The following MAOB variants were observed in gnomAD, a reference collection of about 807,000 sequenced individuals.
The protein encoded by MAOB is monoamine oxidase B.
A neutral mutation model predicts 41.9 loss-of-function variants in MAOB; 15 were observed. The ratio of observed to expected loss-of-function variants is 0.36; its 90% CI spans 0.24 to 0.55. MAOB has a LOEUF of 0.55. Among genes scored for constraint, MAOB ranks in the 20% least tolerant of loss-of-function variants. The pLI, the probability that MAOB is intolerant of heterozygous loss-of-function variation, is 0.86. For missense variants in MAOB, 345 were observed against 398.7 expected (o/e 0.87, Z 1.15); for synonymous variants, 167 against 144.2 (o/e 1.16, Z -1.13).
chrX:43,773,832 C>G (rs906158266), intron 12 of MAOB, among the ~76,000 whole-genome samples: 1 of 112,038 alleles, frequency 8.9e-6, no homozygotes, highest in Non-Finnish European at 1.9e-5. Context: ...GCCTCCCCAG[C>G]CATGTAGAAC....
intron 1 of MAOB, chrX:43,844,625 C>A (rs943609902): frequency 1.8e-5 from 2 of 112,385 alleles, no homozygotes; most frequent in Admixed American, 9.4e-5. Flanking sequence ...TGGGCACCAT[C>A]CAATCCAATC....
At chrX:43,823,997 T>A (rs2034914296) in intron 3 of MAOB, among the ~76,000 whole-genome samples, 1 of 112,320 alleles carries the variant, frequency 8.9e-6, no homozygotes, top group African/African-American at 3.2e-5. Context: ...TGACCTAAAG[T>A]GGGTTTCAGC....
chrX:43,813,968 G>T (rs942169383), intron 3 of MAOB, among the ~76,000 whole-genome samples: 1 of 110,544 alleles, frequency 9.0e-6, no homozygotes, highest in Non-Finnish European at 1.9e-5. Flanking sequence ...TTTGAGGTTG[G>T]TTGCAATTTT....
intron 1 of MAOB, among the ~76,000 whole-genome samples, chrX:43,874,699 C>A (rs1318163829): frequency 2.7e-5 from 3 of 111,045 alleles, no homozygotes; most frequent in Non-Finnish European, 5.7e-5. Context: ...TAACTGAAGT[C>A]TCTGGCCCTA....
At chrX:43,782,023 A>C (rs2034339612) in intron 8 of MAOB, among the ~76,000 whole-genome samples, 1 of 112,055 alleles carries the variant, frequency 8.9e-6, no homozygotes, top group Non-Finnish European at 1.9e-5. Context: ...CTAAATGCCC[A>C]TAAGAGAAAG....
chrX:43,824,601 T>G lies in MAOB; in HGVS notation c.279+14267A>C, dbSNP rs188585999. Reference sequence around the variant, plus strand: ...AGGAGGCTGAGGCAGGAGAATTGCTTGAACCTGGGAGGTAGAGGTTGCAGT... The same window carrying G: ...AGGAGGCTGAGGCAGGAGAATTGCTGGAACCTGGGAGGTAGAGGTTGCAGT... On this transcript the variant is annotated intron_variant, in intron 3 of 14. Coordinates refer to ENST00000378069, the MANE Select transcript of MAOB (RefSeq NM_000898.5). 3.1e-4 allele frequency among the ~76,000 whole-genome samples: 35 copies of G among 111,646 alleles called. No homozygotes were observed. In the East Asian group the frequency reaches 7.1e-3, roughly 23 times the overall value.
intron 3 of MAOB, among the ~76,000 whole-genome samples, chrX:43,831,067 T>C (rs1179814092): frequency 9.2e-6 from 1 of 108,283 alleles, no homozygotes; most frequent in African/African-American, 3.4e-5. Flanking sequence ...TGCAGCACAA[T>C]AATACCAGGA....
At position 43,773,366 on chromosome X, in the gene MAOB, G is replaced by A. The variant is rs1240789167; in HGVS notation, c.1235+1809C>T. Among the ~76,000 whole-genome samples the A allele has an allele frequency of 2.7e-5, 3 of 111,914 alleles. No individual in the cohort carries two copies. The Admixed American group carries it at 2.8e-4, about 11-fold the overall frequency. ...TCCTTATTCCCTTCCAGGGACATATGTCAGTACTTTAGAGTCAATTTTTGA... is the reference window on the plus strand; with the variant it reads ...TCCTTATTCCCTTCCAGGGACATATATCAGTACTTTAGAGTCAATTTTTGA... On this transcript the variant is annotated intron_variant, in intron 12 of 14. Transcript: ENST00000378069.
At chrX:43,810,221 C>G (rs1160530738) in intron 3 of MAOB, among the ~76,000 whole-genome samples, 1 of 66,057 alleles carries the variant, frequency 1.5e-5, no homozygotes, top group Non-Finnish European at 2.4e-5. Flanking sequence ...CCAGCCTGGG[C>G]GACAGAGCGA....
chrX:43,791,229 G>T (rs1378650038), intron 8 of MAOB, among the ~76,000 whole-genome samples: 1 of 111,641 alleles, frequency 9.0e-6, no homozygotes, highest in Non-Finnish European at 1.9e-5. Context: ...CGGAAAAAGA[G>T]TAGTTACACA....
intron 3 of MAOB, among the ~76,000 whole-genome samples, chrX:43,820,466 T>A (rs991885930): frequency 6.2e-5 from 7 of 112,509 alleles, no homozygotes; most frequent in African/African-American, 2.3e-4. Flanking sequence ...TATGGTGATT[T>A]CATTGTACAG....
At chrX:43,856,472 A>G (rs1283095577) in intron 1 of MAOB, among the ~76,000 whole-genome samples, 2 of 111,873 alleles carry the variant, frequency 1.8e-5, no homozygotes, top group African/African-American at 6.5e-5. Flanking sequence ...TTCTGCTTAT[A>G]TCTATAGTTG....
chrX:43,861,280 C>G (rs1465795546), intron 1 of MAOB, among the ~76,000 whole-genome samples: 15 of 112,803 alleles, frequency 1.3e-4, no homozygotes, highest in Non-Finnish European at 2.6e-4. Context: ...TGAAGAGCAA[C>G]TCATTTTGCA....
intron 5 of MAOB, among the ~76,000 whole-genome samples, chrX:43,801,126 C>CT (rs543914966): frequency 0.029 from 2,908 of 100,755 alleles, 137 homozygotes; most frequent in African/African-American, 0.095. Flanking sequence ...CCTCTCTCTT[C>CT]TTTTTTTTTT....
At chrX:43,814,408 G>A (rs553972210) in intron 3 of MAOB, among the ~76,000 whole-genome samples, 2 of 111,686 alleles carry the variant, frequency 1.8e-5, no homozygotes, top group Non-Finnish European at 3.8e-5. Flanking sequence ...ATCCATCAGC[G>A]CAAAGTATAA....
At chrX:43,862,208 G>A (rs1419926890) in intron 1 of MAOB, among the ~76,000 whole-genome samples, 1 of 111,579 alleles carries the variant, frequency 9.0e-6, no homozygotes, top group Non-Finnish European at 1.9e-5. Flanking sequence ...ATGATATTAT[G>A]TTCTTCTGTG....
chrX:43,786,942 C>T lies in MAOB; in HGVS notation c.929-5398G>A, dbSNP rs200351425. Among the ~76,000 whole-genome samples, 51 of 111,623 alleles carry T rather than the reference C, an allele frequency of 4.6e-4. No homozygotes were observed. In the East Asian group the frequency reaches 0.013, roughly 28 times the overall value. Reference sequence around the variant, plus strand: ...ACTTGCAGATAGAAAGCTCAAGAGCCCCACCCATGCACACAAAACATCTCA... The same window carrying T: ...ACTTGCAGATAGAAAGCTCAAGAGCTCCACCCATGCACACAAAACATCTCA... On this transcript the variant is annotated intron_variant, in intron 8 of 14. Coordinates refer to ENST00000378069, the MANE Select transcript of MAOB (RefSeq NM_000898.5).
chrX:43,821,616 T>C (rs940176776), intron 3 of MAOB, among the ~76,000 whole-genome samples: 1 of 111,595 alleles, frequency 9.0e-6, no homozygotes, highest in African/African-American at 3.3e-5. Flanking sequence ...GAGGGAGAAA[T>C]TGACTTCTAA....
In MAOB at chrX:43,788,458, A is replaced by G. The variant is rs2034426391; in HGVS notation, c.928+4961T>C. The stretch of plus-strand genomic sequence containing the variant: ...TTCACAGGTCTACCCAAATCAATTG[A>G]CTTGATAATTCCATCCTACAGCATT... On this transcript the variant is annotated intron_variant, in intron 8 of 14. Transcript: ENST00000378069. Among the ~76,000 whole-genome samples, 3 of 112,289 alleles carry G rather than the reference A, an allele frequency of 2.7e-5. No homozygotes were observed. In the Admixed American group the frequency reaches 2.8e-4, roughly 11 times the overall value.
Sources: allele counts gnomAD v4.1 joint callset (sites outside exome capture counted in the v4.1 genomes callset), GRCh38; gene constraint gnomAD v4.1.1; transcripts MANE v1.5; gene names NCBI Gene and HGNC (gene_info 2026-07-23, HGNC 2026-07-21).